DRAXIN: variants seen among roughly 807,000 people sequenced by gnomAD.
DRAXIN encodes dorsal repulsive axon guidance protein.
Under a neutral mutation model 33.9 loss-of-function variants are expected in DRAXIN, and 27 were observed. The observed-to-expected ratio is 0.80, with a 90% CI of 0.59 to 1.10. The LOEUF (loss-of-function observed/expected upper bound fraction) is 1.10. Ranked by LOEUF, DRAXIN falls within the 50% of genes least tolerant of loss-of-function variation. The pLI is 0.00. For synonymous variants in DRAXIN, 178 were observed against 194.0 expected (o/e 0.92, Z 0.69); for missense variants, 371 against 460.8 (o/e 0.81, Z 1.78).
rs888645424 is a variant in DRAXIN, at chr1:11,721,156, C to T, written c.*1460C>T. ...TCCAAAAAAACCCCACACATATTGC[C>T]CATGTTTACCCACTTTGCATACTGT... On this transcript the variant is annotated 3_prime_UTR_variant, in exon 7 of 7. Transcript: ENST00000294485. 3 of 152,220 alleles carry T rather than the reference C, an allele frequency of 2.0e-5. No homozygotes were observed. The highest frequency in any genetic ancestry group is 7.2e-5 in the African/African-American group (3 of 41,436). The allele number at this position is 152,220 out of a possible 1,614,324, so 9.4% of individuals were successfully genotyped here.
upstream of DRAXIN, among the ~76,000 whole-genome samples, chr1:11,688,980 C>G (rs144132216): frequency 6.6e-6 from 1 of 152,170 alleles, no homozygotes; most frequent in Non-Finnish European, 1.5e-5. The surrounding 1 kb of genome is among the most constrained non-coding windows in gnomAD (Gnocchi z 4.6). Context: ...AACATCAGGA[C>G]GTTACCCTAT....
chr1:11,706,841 G>A lies in DRAXIN; in HGVS notation c.451+132G>A. 2.0e-6 allele frequency: 2 copies of A among 1,019,554 alleles called. No homozygotes were observed. The highest frequency in any genetic ancestry group is 2.7e-5 in the East Asian group (1 of 37,482). 63.2% of individuals were successfully genotyped at this position (1,019,554 alleles called of 1,614,324 possible). A position where few individuals can be genotyped will look rare whatever the true frequency, so the allele number is the denominator to read the frequency against. On this transcript the variant is annotated intron_variant, in intron 2 of 6. Transcript: ENST00000294485. The surrounding 1 kb of genome is among the most constrained non-coding windows in gnomAD (Gnocchi z 5.5). The stretch of plus-strand genomic sequence containing the variant: ...AGGAGGGGTCTCACTGAAGCCAGAG[G>A]GACCTGGTAAGGGGAGGAGGCTGGG...
At position 11,706,587 on chromosome 1, in the gene DRAXIN, A is replaced by G. The variant is rs376612864; in HGVS notation, c.329A>G (p.Asp110Gly). 38 of 1,607,536 alleles carry G rather than the reference A, an allele frequency of 2.4e-5. No homozygotes were observed. The African/African-American group carries it at 4.1e-4, about 18-fold the overall frequency. ...QSPAGLLQDKDLLLGLALPYP... is the reference protein window; with the variant it reads ...QSPAGLLQDKGLLLGLALPYP... ...CCTGCAGGCCTGCTGCAGGACAAGGACCTGCTCCTGGGACTGGCATTGCCC... is the reference window on the plus strand; with the variant it reads ...CCTGCAGGCCTGCTGCAGGACAAGGGCCTGCTCCTGGGACTGGCATTGCCC... The change falls in exon 2 of 7, where the codon GAC becomes GGC. Residue 110 changes from aspartate to glycine, a missense_variant. Coordinates refer to ENST00000294485, the MANE Select transcript of DRAXIN (RefSeq NM_198545.4). The surrounding 1 kb of genome is among the most constrained non-coding windows in gnomAD (Gnocchi z 5.5).
At chr1:11,708,406 T>A (rs1223167493) in intron 2 of DRAXIN, among the ~76,000 whole-genome samples, 1 of 152,070 alleles carries the variant, frequency 6.6e-6, no homozygotes, top group African/African-American at 2.4e-5. Context: ...AGATCAGGAG[T>A]TGGAGACCAA....
Position 11,706,244 on chromosome 1 carries a change from T to A in DRAXIN, c.-10-5T>A. On this transcript the variant is annotated splice_polypyrimidine_tract_variant and splice_region_variant and intron_variant, in intron 1 of 6. Coordinates refer to ENST00000294485, the MANE Select transcript of DRAXIN (RefSeq NM_198545.4). The surrounding 1 kb of genome is among the most constrained non-coding windows in gnomAD (Gnocchi z 5.5). The stretch of plus-strand genomic sequence containing the variant: ...TGCGCATTCATGGTGTTGCTCTTCT[T>A]GCAGGGAGGAGCCAATGGCTGGGCC... 6.4e-7 allele frequency: 1 copy of A among 1,567,786 alleles called. No homozygotes were observed. The highest frequency in any genetic ancestry group is 8.6e-7 in the Non-Finnish European group (1 of 1,157,002).
intron 6 of DRAXIN, among the ~76,000 whole-genome samples, chr1:11,719,210 G>C (rs1459780298): frequency 6.6e-6 from 1 of 152,124 alleles, no homozygotes; most frequent in Non-Finnish European, 1.5e-5. Flanking sequence ...GGCCTCTCTT[G>C]GTACATTTGT....
upstream of DRAXIN, among the ~76,000 whole-genome samples, chr1:11,689,851 C>T (rs6694489): frequency 0.18 from 27,252 of 151,800 alleles, 4,135 homozygotes; most frequent in African/African-American, 0.42. Flanking sequence ...CCTGTAACAA[C>T]ATGGTCCTAT....
At chr1:11,691,349 C>T (rs1388400464), upstream of DRAXIN, 1 of 152,228 alleles carries the variant, frequency 6.6e-6, no homozygotes, top group Non-Finnish European at 1.5e-5. Flanking sequence ...CCAGAGGCGC[C>T]ACAACTGCCG....
rs149999195 is a variant in DRAXIN at position 11,706,362 on chromosome 1, G to A, written c.104G>A (p.Arg35Gln). 45 of 1,613,880 alleles carry A rather than the reference G, an allele frequency of 2.8e-5. No individual in the cohort carries two copies. Among genetic ancestry groups the A allele is most frequent in the Non-Finnish European group, 3.4e-5 (40 of 1,180,016 alleles). ...GCCCTTGCACCTGGGACCCCTGCCC[G>A]GAACCTCCCTGAGAATCACATTGAC... ...AGALAPGTPA[R>Q]NLPENHIDLP... The change falls in exon 2 of 7, where the codon CGG becomes CAG. Residue 35 changes from arginine to glutamine, a missense_variant. Transcript: ENST00000294485. This position sits in a 1 kb window ranked among gnomAD's most constrained non-coding sequence, Gnocchi z 5.5.
At chr1:11,715,757 G>A (rs1641567586) in intron 6 of DRAXIN, among the ~76,000 whole-genome samples, 1 of 152,024 alleles carries the variant, frequency 6.6e-6, no homozygotes, top group South Asian at 2.1e-4. Context: ...AAATCCCCAT[G>A]ACCACCCCTA....
In DRAXIN at chr1:11,696,096, G is replaced by A. The variant is rs1465822025; in HGVS notation, c.-11+4243G>A. On this transcript the variant is annotated intron_variant, in intron 1 of 6. Coordinates refer to ENST00000294485, the MANE Select transcript of DRAXIN (RefSeq NM_198545.4). The surrounding 1 kb of genome is among the most constrained non-coding windows in gnomAD (Gnocchi z 4.7). The stretch of plus-strand genomic sequence containing the variant: ...CCTAGGACAGTCCTGCCCTGCCATC[G>A]ATCACCCCACTGAGGACAGAGGACG... 2.6e-5 allele frequency among the ~76,000 whole-genome samples: 4 copies of A among 152,086 alleles called. No homozygotes were observed. The highest frequency in any genetic ancestry group is 5.9e-5 in the Non-Finnish European group (4 of 68,030).
At position 11,706,569 on chromosome 1, in the gene DRAXIN, GCCTGCTGCAGGACAAGGA is replaced by G; in HGVS notation, c.318_335del (p.Gln107_Leu112del). 6.2e-7 allele frequency: 1 copy of G among 1,609,604 alleles called. No individual in the cohort carries two copies. Among genetic ancestry groups the G allele is most frequent in the African/African-American group, 1.3e-5 (1 of 75,014 alleles). On this transcript the variant is annotated inframe_deletion, in exon 2 of 7. Transcript: ENST00000294485. The surrounding 1 kb of genome is among the most constrained non-coding windows in gnomAD (Gnocchi z 5.5). The stretch of plus-strand genomic sequence containing the variant: ...CTGCTGCCTGAGCAGAGTCCTGCAG[GCCTGCTGCAGGACAAGGA>G]CCTGCTCCTGGGACTGGCATTGCCC...
At position 11,702,853 on chromosome 1, in the gene DRAXIN, C is replaced by A. The variant is rs547903594; in HGVS notation, c.-10-3396C>A. 9.7e-4 allele frequency among the ~76,000 whole-genome samples: 147 copies of A among 152,178 alleles called. 1 individual carries two copies. The highest frequency in any genetic ancestry group is 1.8e-3 in the Non-Finnish European group (122 of 68,026). On this transcript the variant is annotated intron_variant, in intron 1 of 6. Coordinates refer to ENST00000294485, the MANE Select transcript of DRAXIN (RefSeq NM_198545.4). ...CGCCTCCAAGTTTCAAGCAATTCTCCTGCCTCAGCCTCCTGAGTAGTTGGG... is the reference window on the plus strand; with the variant it reads ...CGCCTCCAAGTTTCAAGCAATTCTCATGCCTCAGCCTCCTGAGTAGTTGGG...
intron 5 of DRAXIN, 120 bp from the exon 6 acceptor site, chr1:11,714,999 C>G (rs1641553079): frequency 8.3e-7 from 1 of 1,202,268 alleles, no homozygotes. Flanking sequence ...AGATGGCCCA[C>G]CCCGCCAGGG....
chr1:11,718,270 G>T (rs1436563807), intron 6 of DRAXIN, among the ~76,000 whole-genome samples: 1 of 147,798 alleles, frequency 6.8e-6, no homozygotes, highest in African/African-American at 2.5e-5. Flanking sequence ...AGCCAAGATG[G>T]TGCCGCTGCA....
At chr1:11,711,794 C>A in intron 3 of DRAXIN, 57 bp from the exon 4 acceptor site, 2 of 1,517,244 alleles carry the variant, frequency 1.3e-6, no homozygotes, top group Non-Finnish European at 1.8e-6. Flanking sequence ...TGGGACTCCA[C>A]ACTCCTGCTT....
Position 11,724,328 on chromosome 1 carries a change from C to G in DRAXIN, c.*4632C>G, listed in dbSNP as rs1292177193. The G allele has an allele frequency of 6.6e-6, 1 of 152,228 alleles. No homozygotes were observed. Among genetic ancestry groups the G allele is most frequent in the African/African-American group, 2.4e-5 (1 of 41,442 alleles). 9.4% of individuals were successfully genotyped at this position (152,228 alleles called of 1,614,324 possible). A position where few individuals can be genotyped will look rare whatever the true frequency, so the allele number is the denominator to read the frequency against. On this transcript the variant is annotated 3_prime_UTR_variant, in exon 7 of 7. Transcript: ENST00000294485. ...GTAGCTGCTGGGCCCGTGGCCTGAACCCTCCTGCACTCCTCCAGCTGGAGT... is the reference window on the plus strand; with the variant it reads ...GTAGCTGCTGGGCCCGTGGCCTGAAGCCTCCTGCACTCCTCCAGCTGGAGT...
rs1300866062 is a variant in DRAXIN at position 11,721,544 on chromosome 1, CA to C, written c.*1849del. ...CTGCGTTGGAAAAATCAGTCGGGGT[CA>C]GGGGTCAGGCACCAAGGAAAGCAGG... On this transcript the variant is annotated 3_prime_UTR_variant, in exon 7 of 7. Transcript: ENST00000294485. The C allele has an allele frequency of 6.6e-6, 1 of 152,246 alleles. No individual in the cohort carries two copies. The highest frequency in any genetic ancestry group is 1.5e-5 in the Non-Finnish European group (1 of 68,106). The allele number at this position is 152,246 out of a possible 1,614,324, so 9.4% of individuals were successfully genotyped here. A position where few individuals can be genotyped will look rare whatever the true frequency, so the allele number is the denominator to read the frequency against.
In DRAXIN at chr1:11,725,257, AGTGAGCCATGATCGCAC is replaced by A. The variant is rs1276032873; in HGVS notation, c.*5562_*5578del. The A allele has an allele frequency of 6.6e-6, 1 of 152,282 alleles. No individual in the cohort carries two copies. Among genetic ancestry groups the A allele is most frequent in the African/African-American group, 2.4e-5 (1 of 41,440 alleles). The allele number at this position is 152,282 out of a possible 1,614,324, so 9.4% of individuals were successfully genotyped here. A position where few individuals can be genotyped will look rare whatever the true frequency, so the allele number is the denominator to read the frequency against. ...CTTGAGCCCAAGAGGTTGAGGCTGC[AGTGAGCCATGATCGCAC>A]CACTGCACTCCAGCTTAGGCAATAC... On this transcript the variant is annotated 3_prime_UTR_variant, in exon 7 of 7. Coordinates refer to ENST00000294485, the MANE Select transcript of DRAXIN (RefSeq NM_198545.4).
Sources: gnomAD v4.1 joint callset for allele counts (sites outside exome capture counted in the v4.1 genomes callset) on GRCh38, gnomAD v4.1.1 for gene constraint, Gnocchi (gnomAD v3.1) non-coding constraint, MANE v1.5 for transcripts, NCBI Gene and HGNC (gene_info 2026-07-23, HGNC 2026-07-21) for gene names.